The following MEIS1 variants were observed in gnomAD, a reference collection of about 807,000 sequenced individuals.
MEIS1 encodes the protein homeobox protein Meis1.
Under a neutral mutation model 50.8 loss-of-function variants are expected in MEIS1, and 5 were observed. The ratio of observed to expected loss-of-function variants is 0.10; its 90% CI spans 0.05 to 0.21. The LOEUF is 0.21. Among genes scored for constraint, MEIS1 ranks in the 10% least tolerant of loss-of-function variants. MEIS1 has a pLI of 1.00. For synonymous variants in MEIS1, 176 were observed against 179.3 expected (o/e 0.98, Z 0.15); for missense variants, 318 against 517.3 (o/e 0.61, Z 3.74).
chr2:66,507,568 A>G (rs1246377780), intron 7 of MEIS1, among the ~76,000 whole-genome samples: 8 of 152,182 alleles, frequency 5.3e-5, no homozygotes, highest in Admixed American at 5.2e-4. Context: ...AGTTCTGATC[A>G]GTTGTGATGT....
chr2:66,465,379 A>G (rs1290231318), intron 7 of MEIS1, among the ~76,000 whole-genome samples: 1 of 152,186 alleles, frequency 6.6e-6, no homozygotes, highest in Non-Finnish European at 1.5e-5. Context: ...TTCAGAGCTG[A>G]GAGGTAACCT....
chr2:66,547,899 T>C (rs1674829297), intron 8 of MEIS1, 44 bp from the exon 9 acceptor site: 1 of 1,601,944 alleles, frequency 6.2e-7, no homozygotes. Context: ...ACAAAATGGC[T>C]AAATATTGCC....
chr2:66,534,549 C>A (rs1039509066), intron 8 of MEIS1, among the ~76,000 whole-genome samples: 3 of 96,920 alleles, frequency 3.1e-5, no homozygotes, highest in East Asian at 1.0e-3. Flanking sequence ...AAAAAAAATT[C>A]TTTTAAAATG....
At chr2:66,436,703 A>T (rs953832692) in intron 1 of MEIS1, among the ~76,000 whole-genome samples, 12 of 152,230 alleles carry the variant, frequency 7.9e-5, no homozygotes, top group African/African-American at 2.4e-4. Flanking sequence ...CTCTTTTCAC[A>T]CCTCTGGCTT....
intron 5 of MEIS1, 90 bp downstream of exon 5, chr2:66,441,554 T>C (rs946369637): frequency 5.9e-6 from 6 of 1,024,514 alleles, no homozygotes; most frequent in Non-Finnish European, 8.4e-6. Flanking sequence ...TTCAGCCTTC[T>C]GATACATTTG....
At chr2:66,547,895 T>A (rs775605323) in intron 8 of MEIS1, 48 bp from the exon 9 acceptor site, 1 of 1,592,794 alleles carries the variant, frequency 6.3e-7, no homozygotes, top group South Asian at 1.1e-5. Flanking sequence ...ATTGACAAAA[T>A]GGCTAAATAT....
chr2:66,564,794 A>C (rs140109760), intron 9 of MEIS1, among the ~76,000 whole-genome samples: 1 of 151,696 alleles, frequency 6.6e-6, no homozygotes, highest in Non-Finnish European at 1.5e-5. Context: ...ACATATGTAT[A>C]CATGTGCCAT....
At position 66,571,418 on chromosome 2, in the gene MEIS1, G is replaced by A; in HGVS notation, c.*210G>A. 1 of 1,606,564 alleles carries A rather than the reference G, an allele frequency of 6.2e-7. No individual in the cohort carries two copies. Among genetic ancestry groups the A allele is most frequent in the Non-Finnish European group, 8.5e-7 (1 of 1,176,758 alleles). ...ACCCTCACCACCCAACAGTGATGAT[G>A]CATGGAGGACCGCCCCACCCTGGAA... On this transcript the variant is annotated 3_prime_UTR_variant, in exon 13 of 13. Transcript: ENST00000272369.
At position 66,512,016 on chromosome 2, in the gene MEIS1, A is replaced by C. The variant is rs960999775; in HGVS notation, c.743-133A>C. 4.0e-5 allele frequency: 44 copies of C among 1,095,116 alleles called. No homozygotes were observed. The African/African-American group carries it at 5.8e-4, about 14-fold the overall frequency. 67.8% of individuals were successfully genotyped at this position (1,095,116 alleles called of 1,614,324 possible). A position where few individuals can be genotyped will look rare whatever the true frequency, so the allele number is the denominator to read the frequency against. ...TCTGTCTTGGAAAACAAAACACAAC[A>C]AAAAAACAGTACCAAAGAAACTATT... On this transcript the variant is annotated intron_variant, in intron 7 of 12. Coordinates refer to ENST00000272369, the MANE Select transcript of MEIS1 (RefSeq NM_002398.3).
rs1007680417 is a variant in MEIS1, at chr2:66,442,782, T to C, written c.484-120T>C. The stretch of plus-strand genomic sequence containing the variant: ...GCGTCTGGGGGTCTCTGGAGGACAA[T>C]TGCCCTGTGTTTCCCCTATTTGGAA... On this transcript the variant is annotated intron_variant, in intron 5 of 12. Transcript: ENST00000272369. The C allele has an allele frequency of 6.1e-5, 56 of 924,784 alleles. 1 individual carries two copies. The highest frequency in any genetic ancestry group is 1.0e-4 in the African/African-American group (6 of 57,568). 57.3% of individuals were successfully genotyped at this position (924,784 alleles called of 1,614,324 possible). A position where few individuals can be genotyped will look rare whatever the true frequency, so the allele number is the denominator to read the frequency against.
chr2:66,480,133 A>G (rs946148706), intron 7 of MEIS1, among the ~76,000 whole-genome samples: 3 of 152,220 alleles, frequency 2.0e-5, no homozygotes, highest in African/African-American at 7.2e-5. Flanking sequence ...TAGAATAGAA[A>G]TAAGGGTCTA....
At chr2:66,495,565 C>G (rs1673381373) in intron 7 of MEIS1, among the ~76,000 whole-genome samples, 1 of 152,122 alleles carries the variant, frequency 6.6e-6, no homozygotes, top group African/African-American at 2.4e-5. Context: ...TTTCCCACAC[C>G]ATATTTTGGT....
intron 7 of MEIS1, among the ~76,000 whole-genome samples, chr2:66,468,154 C>T (rs1029506411): frequency 3.9e-5 from 6 of 152,176 alleles, no homozygotes; most frequent in South Asian, 4.1e-4. Context: ...CTCATAGGTA[C>T]GGGAGGTACA....
At chr2:66,565,867 A>G (rs1240538540) in intron 9 of MEIS1, among the ~76,000 whole-genome samples, 3 of 152,176 alleles carry the variant, frequency 2.0e-5, no homozygotes, top group African/African-American at 7.2e-5. Context: ...AATATTAAAT[A>G]ATTTTCTAAT....
chr2:66,475,899 A>G (rs941680757), intron 7 of MEIS1, among the ~76,000 whole-genome samples: 6 of 152,172 alleles, frequency 3.9e-5, no homozygotes, highest in Non-Finnish European at 7.3e-5. Flanking sequence ...CTTGATTTTC[A>G]TGGTTGAAAT....
intron 7 of MEIS1, among the ~76,000 whole-genome samples, chr2:66,468,252 G>A (rs567400421): frequency 2.0e-5 from 3 of 152,232 alleles, no homozygotes; most frequent in South Asian, 4.2e-4. Context: ...CCTACTCTAG[G>A]AACTGTGTGT....
intron 8 of MEIS1, 83 bp downstream of exon 8, chr2:66,512,377 C>A (rs1201103454): frequency 5.1e-5 from 72 of 1,409,046 alleles, no homozygotes; most frequent in Non-Finnish European, 6.6e-5. Context: ...AAAAAGTGAT[C>A]CCTCTGGACT....
intron 7 of MEIS1, among the ~76,000 whole-genome samples, chr2:66,486,980 T>A (rs1205128916): frequency 1.3e-5 from 2 of 152,216 alleles, no homozygotes; most frequent in Admixed American, 1.3e-4. Context: ...CTTATCAGCT[T>A]AAGGAGTTTT....
At chr2:66,532,395 T>C (rs1674414819) in intron 8 of MEIS1, among the ~76,000 whole-genome samples, 2 of 92,532 alleles carry the variant, frequency 2.2e-5, no homozygotes. Flanking sequence ...ACTGAACATG[T>C]ATCCTTTCAG....
Sources: allele counts gnomAD v4.1 joint callset (sites outside exome capture counted in the v4.1 genomes callset), GRCh38; gene constraint gnomAD v4.1.1; transcripts MANE v1.5; gene names NCBI Gene and HGNC (gene_info 2026-07-23, HGNC 2026-07-21).